Variants in EEIG1 observed in about 807,000 individuals in gnomAD.
EEIG1 encodes the protein early estrogen-induced gene 1 protein.
At chr9:127,952,809 G>C in the EEIG1 span, among the ~76,000 whole-genome samples, 5 of 152,130 alleles carry the variant, frequency 3.3e-5, no homozygotes, top group African/African-American at 4.8e-5. Flanking sequence ...ACCCTCCCGG[G>C]TGCAAGCAAT....
chr9:127,960,005 G>A, the EEIG1 span, among the ~76,000 whole-genome samples: 13 of 152,220 alleles, frequency 8.5e-5, no homozygotes, highest in African/African-American at 3.1e-4. Flanking sequence ...TGGGTGTATT[G>A]TGTGGTATGT....
At chr9:127,969,856 G>T in the EEIG1 span, among the ~76,000 whole-genome samples, 7 of 152,122 alleles carry the variant, frequency 4.6e-5, no homozygotes, top group Non-Finnish European at 1.5e-5. Flanking sequence ...ACCCAAAAAG[G>T]TGCCTCATTT....
chr9:127,957,177 C>G, the EEIG1 span, among the ~76,000 whole-genome samples: 1 of 151,890 alleles, frequency 6.6e-6, no homozygotes, highest in Non-Finnish European at 1.5e-5. Context: ...TGCAGTGAGC[C>G]AAGATCAAAC....
the EEIG1 span, among the ~76,000 whole-genome samples, chr9:127,962,248 T>G: frequency 6.6e-6 from 1 of 152,198 alleles, no homozygotes; most frequent in African/African-American, 2.4e-5. Flanking sequence ...GATGCCCACA[T>G]CAAATTGCAA....
At chr9:127,977,745 T>C in the EEIG1 span, among the ~76,000 whole-genome samples, 2 of 152,220 alleles carry the variant, frequency 1.3e-5, no homozygotes, top group African/African-American at 2.4e-5. Flanking sequence ...AAGGGTTGAA[T>C]GCAGGCTCCA....
At chr9:127,945,826 C>G in the EEIG1 span, 1 of 1,048,090 alleles carries the variant, frequency 9.5e-7, no homozygotes, top group African/African-American at 1.6e-5. This position sits in a 1 kb window ranked among gnomAD's most constrained non-coding sequence, Gnocchi z 6.5. Context: ...CCCTTCACAA[C>G]GTGCCCTCAC....
the EEIG1 span, chr9:127,943,336 G>T: frequency 8.4e-7 from 1 of 1,187,826 alleles, no homozygotes; most frequent in Non-Finnish European, 1.3e-6. Flanking sequence ...AGCAGGTACT[G>T]TTAACCAGCC....
the EEIG1 span, among the ~76,000 whole-genome samples, chr9:127,959,328 G>A: frequency 6.6e-6 from 1 of 152,210 alleles, no homozygotes; most frequent in Non-Finnish European, 1.5e-5. Context: ...AAAGAGAAAT[G>A]ATACACTTCT....
chr9:127,971,220 C>G, the EEIG1 span, among the ~76,000 whole-genome samples: 3 of 152,192 alleles, frequency 2.0e-5, no homozygotes, highest in Non-Finnish European at 1.5e-5. Flanking sequence ...GGGTAGGGAG[C>G]CCTCCTGAGC....
At chr9:127,947,206 G>C in the EEIG1 span, among the ~76,000 whole-genome samples, 18 of 143,274 alleles carry the variant, frequency 1.3e-4, no homozygotes, top group Non-Finnish European at 2.7e-4. Context: ...AGGAGACTGA[G>C]ACCATCCTGG....
chr9:127,977,620 A>G, the EEIG1 span, among the ~76,000 whole-genome samples: 1 of 152,204 alleles, frequency 6.6e-6, no homozygotes, highest in Non-Finnish European at 1.5e-5. Flanking sequence ...AACAGAAGCG[A>G]TAACTGCTGC....
chr9:127,962,630 T>C, the EEIG1 span, among the ~76,000 whole-genome samples: 3 of 152,144 alleles, frequency 2.0e-5, no homozygotes, highest in Non-Finnish European at 2.9e-5. Context: ...ACCCAACACA[T>C]GTCTCCAGTG....
At chr9:127,980,664 C>G in the EEIG1 span, among the ~76,000 whole-genome samples, 1 of 150,236 alleles carries the variant, frequency 6.7e-6, no homozygotes, top group Admixed American at 6.6e-5. Context: ...GCGGCCAGCG[C>G]AGGTGAAGCC....
At chr9:127,962,176 C>A in the EEIG1 span, among the ~76,000 whole-genome samples, 5 of 152,246 alleles carry the variant, frequency 3.3e-5, no homozygotes, top group Admixed American at 6.5e-5. Flanking sequence ...TACATGACCC[C>A]ATTTTTATTT....
At chr9:127,960,635 T>C in the EEIG1 span, among the ~76,000 whole-genome samples, 1 of 152,264 alleles carries the variant, frequency 6.6e-6, no homozygotes, top group East Asian at 1.9e-4. Context: ...GCTCTGGGCA[T>C]GTTGAAACAC....
At chr9:127,952,873 C>T in the EEIG1 span, among the ~76,000 whole-genome samples, 1 of 152,160 alleles carries the variant, frequency 6.6e-6, no homozygotes, top group Non-Finnish European at 1.5e-5. Flanking sequence ...ACCACCACAC[C>T]TGGTTAATTT....
At chr9:127,980,180 T>C in the EEIG1 span, 1 of 1,590,422 alleles carries the variant, frequency 6.3e-7, no homozygotes, top group Non-Finnish European at 8.6e-7. Flanking sequence ...CGAAAAAAGG[T>C]GGAGAGGGAC....
the EEIG1 span, among the ~76,000 whole-genome samples, chr9:127,971,177 T>C: frequency 6.6e-6 from 1 of 152,224 alleles, no homozygotes; most frequent in Non-Finnish European, 1.5e-5. Context: ...AGGGTTAGTC[T>C]GTTTTTAGTT....
the EEIG1 span, chr9:127,944,753 C>G: frequency 6.2e-7 from 1 of 1,611,444 alleles, no homozygotes; most frequent in East Asian, 2.2e-5. Context: ...GTGGCCTCGC[C>G]CCCACCAGCC....
Sources: allele counts gnomAD v4.1 joint callset (sites outside exome capture counted in the v4.1 genomes callset), GRCh38; gene constraint gnomAD v4.1.1; non-coding constraint Gnocchi (gnomAD v3.1); transcripts MANE v1.5; gene names NCBI Gene and HGNC (gene_info 2026-07-23, HGNC 2026-07-21).